ZNF483: variants seen among roughly 807,000 people sequenced by gnomAD.
The protein encoded by ZNF483 is zinc finger protein HIT-10.
A neutral mutation model predicts 28.6 loss-of-function variants in ZNF483; 9 were observed. The ratio of observed to expected loss-of-function variants is 0.32; its 90% CI spans 0.19 to 0.55. The LOEUF is 0.55. Among genes scored for constraint, ZNF483 ranks in the 20% least tolerant of loss-of-function variants. The pLI is 0.93. For synonymous variants in ZNF483, 322 were observed against 306.2 expected (o/e 1.05, Z -0.54); for missense variants, 675 against 871.7 (o/e 0.77, Z 2.84).
Position 111,537,607 on chromosome 9 carries a change from G to A in ZNF483, c.721+3254G>A, listed in dbSNP as rs185165067. On this transcript the variant is annotated intron_variant, in intron 5 of 5. Coordinates refer to ENST00000309235, the MANE Select transcript of ZNF483 (RefSeq NM_133464.5). ...ATGAAATTATTACAGTGTATAGTAT[G>A]TACTACAGTTTTATGCAGTTATTAT... Among the ~76,000 whole-genome samples, 625 of 152,076 alleles carry A rather than the reference G, an allele frequency of 4.1e-3. 3 individuals are homozygous for A. Among genetic ancestry groups the A allele is most frequent in the South Asian group, 3.9e-3 (19 of 4,818 alleles).
At position 111,548,333 on chromosome 9, in the gene ZNF483, T is replaced by TATTTTG. The variant is rs563197842; in HGVS notation, c.*5164_*5165insTTTTGA. On this transcript the variant is annotated 3_prime_UTR_variant, in exon 6 of 6. Coordinates refer to ENST00000309235, the MANE Select transcript of ZNF483 (RefSeq NM_133464.5). Reference sequence around the variant, plus strand: ...GTCTTTAATTTTTTCAGCAATGTGTTACAGTTGTCATTGTACAAGTCTTTT... The same window carrying TATTTTG: ...GTCTTTAATTTTTTCAGCAATGTGTTATTTTGACAGTTGTCATTGTACAAGTCTTTT... Among the ~76,000 whole-genome samples the TATTTTG allele has an allele frequency of 1.3e-5, 2 of 152,222 alleles. No individual in the cohort carries two copies. The highest frequency in any genetic ancestry group is 4.1e-4 in the South Asian group (2 of 4,836).
rs892572240 is a variant in ZNF483 at position 111,552,819 on chromosome 9, A to G, written c.*9649A>G. On this transcript the variant is annotated 3_prime_UTR_variant, in exon 6 of 6. Transcript: ENST00000309235. ...TAAAATATAAATATTCTATTAGCAA[A>G]AATATATTCTGTTCATGTATATCCA... Among the ~76,000 whole-genome samples, 1 of 152,152 alleles carries G rather than the reference A, an allele frequency of 6.6e-6. No homozygotes were observed. Among genetic ancestry groups the G allele is most frequent in the African/African-American group, 2.4e-5 (1 of 41,442 alleles).
chr9:111,563,324 A>T, intron 5 of ZNF483: 1 of 1,253,540 alleles, frequency 8.0e-7, no homozygotes, highest in Non-Finnish European at 1.1e-6. Flanking sequence ...CAGGTACATC[A>T]TTGGAAACCT....
At chr9:111,533,034 A>C (rs1827389046) in intron 3 of ZNF483, among the ~76,000 whole-genome samples, 1 of 152,236 alleles carries the variant, frequency 6.6e-6, no homozygotes, top group Non-Finnish European at 1.5e-5. Flanking sequence ...GATGGAAGAT[A>C]ATTGCTGCTC....
At chr9:111,559,209 A>G (rs1471912464), downstream of ZNF483, among the ~76,000 whole-genome samples, 2 of 151,718 alleles carry the variant, frequency 1.3e-5, no homozygotes, top group Non-Finnish European at 2.9e-5. Context: ...ATACCCTCCT[A>G]CCTCTGCTAG....
intron 5 of ZNF483, among the ~76,000 whole-genome samples, chr9:111,566,341 C>T (rs1828561133): frequency 6.6e-6 from 1 of 152,198 alleles, no homozygotes; most frequent in South Asian, 2.1e-4. Context: ...CATTAGATTT[C>T]ACCAACTGGG....
chr9:111,559,735 G>A (rs570809834), downstream of ZNF483, among the ~76,000 whole-genome samples: 72 of 152,264 alleles, frequency 4.7e-4, no homozygotes, highest in African/African-American at 1.5e-3. Flanking sequence ...GTGGGCCATA[G>A]AGGTTCTCCC....
Position 111,527,471 on chromosome 9 carries a change from A to T in ZNF483, c.76A>T (p.Asn26Tyr). Residue 26 changes from asparagine (N) to tyrosine (Y), a missense_variant, in exon 2 of 6, where the codon AAT (asparagine) becomes TAT (tyrosine). Around this residue, in one of 6 missense-constraint regions of ZNF483, gnomAD observed 525 missense variants for 581.8 expected, o/e 0.90. Transcript: ENST00000309235. The stretch of plus-strand genomic sequence containing the variant: ...TCAAACTCTGGCCTCGACTGAACAA[A>T]ATGAGGTCCCAAGAGTGGTTACTTC... ...EPQTLASTEQ[N>Y]EVPRVVTSGE... The T allele has an allele frequency of 3.1e-6, 5 of 1,614,202 alleles. No homozygotes were observed. Among genetic ancestry groups the T allele is most frequent in the Non-Finnish European group, 4.2e-6 (5 of 1,180,034 alleles).
chr9:111,533,778 A>G lies in ZNF483; in HGVS notation c.541A>G (p.Arg181Gly), dbSNP rs773045987. 2.5e-6 allele frequency: 4 copies of G among 1,587,816 alleles called. No homozygotes were observed. Among genetic ancestry groups the G allele is most frequent in the Middle Eastern group, 1.7e-4 (1 of 6,008 alleles). Residue 181 changes from arginine to glycine, a missense_variant, in exon 4 of 6, where the codon AGA becomes GGA. Arg to Gly is a moderately radical substitution (Grantham distance 125, BLOSUM62 -2). Coordinates refer to ENST00000309235, the MANE Select transcript of ZNF483 (RefSeq NM_133464.5). ...TLKDVAVNFS[R>G]GEWKKLEPFQ... Reference sequence around the variant, plus strand: ...GAAGGATGTAGCTGTGAACTTTTCAAGAGGAGAGTGGAAGAAGCTGGAGCC... The same window carrying G: ...GAAGGATGTAGCTGTGAACTTTTCAGGAGGAGAGTGGAAGAAGCTGGAGCC...
At chr9:111,563,562 G>A in intron 5 of ZNF483, 1 of 168,836 alleles carries the variant, frequency 5.9e-6, no homozygotes, top group Non-Finnish European at 1.3e-5. Context: ...CTGGAGTGCA[G>A]TGCCGCGATC....
chr9:111,525,627 A>C (rs1038250126), intron 1 of ZNF483, among the ~76,000 whole-genome samples: 1 of 152,142 alleles, frequency 6.6e-6, no homozygotes, highest in Admixed American at 6.5e-5. Context: ...ATGTGTCCAG[A>C]CATTGCCAGA....
downstream of ZNF483, among the ~76,000 whole-genome samples, chr9:111,558,535 C>G (rs1828188129): frequency 6.6e-6 from 1 of 152,142 alleles, no homozygotes; most frequent in Admixed American, 6.5e-5. Flanking sequence ...GAAAATGTTG[C>G]AAGCTCATCT....
In ZNF483 at chr9:111,548,050, C is replaced by T. The variant is rs916915145; in HGVS notation, c.*4880C>T. On this transcript the variant is annotated 3_prime_UTR_variant, in exon 6 of 6. Coordinates refer to ENST00000309235, the MANE Select transcript of ZNF483 (RefSeq NM_133464.5). ...CAGTAATGTTTTGTAATCAGGATTA[C>T]ACTACGTTTCCTGTAGTATGTTTTT... Among the ~76,000 whole-genome samples the T allele has an allele frequency of 2.6e-5, 4 of 152,170 alleles. No individual in the cohort carries two copies. The highest frequency in any genetic ancestry group is 4.8e-5 in the African/African-American group (2 of 41,440).
intron 3 of ZNF483, among the ~76,000 whole-genome samples, chr9:111,531,534 G>A (rs1380189660): frequency 2.0e-5 from 3 of 151,992 alleles, no homozygotes; most frequent in South Asian, 2.1e-4. Context: ...CTGCCACCAT[G>A]CCCGGCTAAT....
rs568930890 is a variant in ZNF483 at position 111,571,139 on chromosome 9, T to G, written c.722-5226T>G. 6.7e-5 allele frequency among the ~76,000 whole-genome samples: 10 copies of G among 149,912 alleles called. No homozygotes were observed. In the South Asian group the frequency reaches 1.9e-3, roughly 29 times the overall value. On this transcript the variant is annotated intron_variant, in intron 5 of 5. Coordinates refer to the ZNF483 transcript ENST00000358151. ...ACAAGAATAAGTGTGTGGGGTCGGGTGCGTGGCTCATGCCTATAATCCAGC... is the reference window on the plus strand; with the variant it reads ...ACAAGAATAAGTGTGTGGGGTCGGGGGCGTGGCTCATGCCTATAATCCAGC...
chr9:111,576,516 A>T (rs543132407), exon 6 of ZNF483: 1 of 1,504,956 alleles, frequency 6.6e-7, no homozygotes, highest in African/African-American at 1.4e-5. Flanking sequence ...GAAGAGCTGG[A>T]TGGAGTATGA....
rs1159365134 is a variant in ZNF483 at position 111,561,110 on chromosome 9, TAGAG to T, written c.722-15230_722-15227del. On this transcript the variant is annotated intron_variant, in intron 5 of 5. Transcript: ENST00000358151. ...ATATATATATATATATATATATATA[TAGAG>T]AGAGAGAGAGAGAGAGAGAGAGAGG... Among the ~76,000 whole-genome samples the T allele has an allele frequency of 5.4e-3, 103 of 19,186 alleles. 8 individuals are homozygous for T. The highest frequency in any genetic ancestry group is 0.036 in the Middle Eastern group (1 of 28). The allele number at this position is 19,186 out of a possible 152,430, so 12.6% of individuals were successfully genotyped here.
rs763085482 is a variant in ZNF483 at position 111,543,102 on chromosome 9, G to C, written c.2167G>C (p.Glu723Gln). The change falls in exon 6 of 6, where the codon GAA becomes CAA. Residue 723 changes from glutamate to glutamine, a missense_variant. By Grantham distance (29) the Glu-to-Gln change is conservative. Around this residue, in one of 6 missense-constraint regions of ZNF483, gnomAD observed 55 missense variants for 72.4 expected, o/e 0.76. Coordinates refer to ENST00000309235, the MANE Select transcript of ZNF483 (RefSeq NM_133464.5). ...CGGAAGGAGAGAATATGAATGTAAC[G>C]AATGTGAGAAGACATTTAAAAGTAA... ...HTGRREYECN[E>Q]CEKTFKSNSG... 1 of 1,613,966 alleles carries C rather than the reference G, an allele frequency of 6.2e-7. No homozygotes were observed. Among genetic ancestry groups the C allele is most frequent in the Non-Finnish European group, 8.5e-7 (1 of 1,179,970 alleles).
chr9:111,561,110 T>TATATATATATATATATAGAG (rs1457364862), intron 5 of ZNF483, among the ~76,000 whole-genome samples: 1 of 19,198 alleles, frequency 5.2e-5, no homozygotes, highest in African/African-American at 3.9e-4. Flanking sequence ...TATATATATA[T>TATATATATATATATATAGAG]AGAGAGAGAG....
Sources: gnomAD v4.1 joint callset for allele counts (sites outside exome capture counted in the v4.1 genomes callset) on GRCh38, gnomAD v4.1.1 for gene constraint, gnomAD v4.1.1 regional missense constraint, MANE v1.5 for transcripts, NCBI Gene and HGNC (gene_info 2026-07-23, HGNC 2026-07-21) for gene names.